Variants in NOS1 observed in about 807,000 individuals in gnomAD.
NOS1 encodes NOS type I.
Under a neutral mutation model 164.5 loss-of-function variants are expected in NOS1, and 51 were observed. The ratio of observed to expected loss-of-function variants is 0.31; its 90% CI spans 0.25 to 0.39. The LOEUF is 0.39. Ranked by LOEUF, NOS1 falls within the 10% of genes least tolerant of loss-of-function variation. The probability of loss-of-function intolerance (pLI) is 1.00; values close to 1 mark genes in which losing one functional copy is unlikely to be tolerated. For synonymous variants in NOS1, 719 were observed against 745.8 expected (o/e 0.96, Z 0.59); for missense variants, 1,362 against 1,885.6 (o/e 0.72, Z 5.14).
At chr12:117,332,067 A>G (rs1003380409) in intron 1 of NOS1, among the ~76,000 whole-genome samples, 2 of 152,234 alleles carry the variant, frequency 1.3e-5, no homozygotes, top group Admixed American at 1.3e-4. Context: ...GCTTAGTCAC[A>G]CTACAAACAT....
intron 2 of NOS1, among the ~76,000 whole-genome samples, chr12:117,323,633 T>C (rs1403729897): frequency 6.6e-6 from 1 of 152,150 alleles, no homozygotes; most frequent in Admixed American, 6.5e-5. Flanking sequence ...TCCATAGAGA[T>C]TGACCAGACT....
At chr12:117,305,052 C>G (rs1874062504) in intron 3 of NOS1, 2 of 985,310 alleles carry the variant, frequency 2.0e-6, no homozygotes, top group Non-Finnish European at 2.4e-6. Flanking sequence ...CCCCACCTAT[C>G]CCTTCCTGAC....
chr12:117,360,694 A>G (rs940121809), intron 1 of NOS1, among the ~76,000 whole-genome samples: 1 of 152,200 alleles, frequency 6.6e-6, no homozygotes, highest in Admixed American at 6.5e-5. Context: ...GACAGCTGGC[A>G]GTGCCAAAGA....
chr12:117,334,865 T>C (rs1351189126), intron 1 of NOS1, among the ~76,000 whole-genome samples: 2 of 152,192 alleles, frequency 1.3e-5, no homozygotes, highest in African/African-American at 4.8e-5. Flanking sequence ...CACCCGCTTG[T>C]CCCGGTTTTT....
chr12:117,258,977 C>T (rs1871675390), intron 15 of NOS1, 49 bp downstream of exon 15: 1 of 1,405,768 alleles, frequency 7.1e-7, no homozygotes, highest in Admixed American at 1.7e-5. Context: ...GCCCCTACTT[C>T]TTCCTGATGA....
In NOS1 at chr12:117,279,116, C is replaced by T. The variant is rs192319980; in HGVS notation, c.1525-1018G>A. Among the ~76,000 whole-genome samples the T allele has an allele frequency of 3.1e-3, 465 of 152,122 alleles. 1 individual carries two copies. The highest frequency in any genetic ancestry group is 5.4e-3 in the Non-Finnish European group (369 of 67,990). The stretch of plus-strand genomic sequence containing the variant: ...TCAATGGGCCGGGCGCGGTGGCTCA[C>T]GCCTGTAATCCCAGCACTTTGGGAG... On this transcript the variant is annotated intron_variant, in intron 8 of 28. Coordinates refer to ENST00000317775, the MANE Select transcript of NOS1 (RefSeq NM_000620.5).
chr12:117,305,017 C>G (rs1188664811), intron 3 of NOS1: 1 of 985,268 alleles, frequency 1.0e-6, no homozygotes, highest in Non-Finnish European at 1.2e-6. Flanking sequence ...AGTTGCTTTG[C>G]TGCCCTGCCC....
At chr12:117,215,756 C>T (rs1240736136) in intron 28 of NOS1, among the ~76,000 whole-genome samples, 1 of 151,824 alleles carries the variant, frequency 6.6e-6, no homozygotes, top group Non-Finnish European at 1.5e-5. Context: ...TATTCTGTAG[C>T]CTTAGTGTCT....
intron 3 of NOS1, among the ~76,000 whole-genome samples, chr12:117,295,501 T>C (rs1392925458): frequency 1.3e-5 from 2 of 152,124 alleles, no homozygotes; most frequent in African/African-American, 4.8e-5. Flanking sequence ...ATTTATCTTG[T>C]CCTTTAGATA....
chr12:117,354,876 G>A (rs1038025804), intron 1 of NOS1, among the ~76,000 whole-genome samples: 11 of 152,272 alleles, frequency 7.2e-5, no homozygotes, highest in Middle Eastern at 3.4e-3. Context: ...CTTCACTCTC[G>A]TTTATGACAA....
intron 27 of NOS1, 85 bp from the exon 28 acceptor site, chr12:117,218,249 TG>T (rs1397885893): frequency 1.1e-6 from 1 of 941,248 alleles, no homozygotes; most frequent in African/African-American, 1.6e-5. Context: ...ACACCTGGAA[TG>T]GAATATCCCT....
rs750898369 is a variant in NOS1 at position 117,253,628 on chromosome 12, C to T, written c.2648+10G>A. ...TCCCTGACCCCCGACCCCCTTATCCCCTTGCTCACCTCACATTGGCCAGGG... is the reference window on the plus strand; with the variant it reads ...TCCCTGACCCCCGACCCCCTTATCCTCTTGCTCACCTCACATTGGCCAGGG... On this transcript the variant is annotated intron_variant, in intron 17 of 28. Transcript: ENST00000317775. 3 of 1,599,176 alleles carry T rather than the reference C, an allele frequency of 1.9e-6. No individual in the cohort carries two copies. The Admixed American group carries it at 5.0e-5, about 27-fold the overall frequency.
At position 117,208,762 on chromosome 12, in the gene NOS1, C is replaced by G. The variant is rs933619452; in HGVS notation, c.*6547G>C. On this transcript the variant is annotated 3_prime_UTR_variant, in exon 29 of 29. Transcript: ENST00000317775. ...TTTTTTCCACAGGGTCTCATTCTGT[C>G]AACAAGCTGGAGTGCAGTGGTGCCA... 2 of 989,138 alleles carry G rather than the reference C, an allele frequency of 2.0e-6. No individual in the cohort carries two copies. The highest frequency in any genetic ancestry group is 2.4e-6 in the Non-Finnish European group (2 of 835,384). The allele number at this position is 989,138 out of a possible 1,614,324, so 61.3% of individuals were successfully genotyped here. A position where few individuals can be genotyped will look rare whatever the true frequency, so the allele number is the denominator to read the frequency against.
chr12:117,334,723 C>G (rs1031829142), intron 1 of NOS1, among the ~76,000 whole-genome samples: 1 of 152,190 alleles, frequency 6.6e-6, no homozygotes, highest in Non-Finnish European at 1.5e-5. Flanking sequence ...AACAATTCCA[C>G]AACACTTTCT....
rs1389110533 is a variant in NOS1 at position 117,214,727 on chromosome 12, T to A, written c.*582A>T. 1.9e-5 allele frequency: 19 copies of A among 985,310 alleles called. No individual in the cohort carries two copies. Among genetic ancestry groups the A allele is most frequent in the Non-Finnish European group, 2.3e-5 (19 of 829,932 alleles). The allele number at this position is 985,310 out of a possible 1,614,324, so 61.0% of individuals were successfully genotyped here. ...ATTATGGACACACGAGGGATTAATA[T>A]GGGCCAGGGACACGTTTCTTGGCAT... is the stretch of plus-strand genomic sequence containing the variant. On this transcript the variant is annotated 3_prime_UTR_variant, in exon 29 of 29. Coordinates refer to ENST00000317775, the MANE Select transcript of NOS1 (RefSeq NM_000620.5).
chr12:117,221,539 C>G (rs202220825), intron 26 of NOS1, among the ~76,000 whole-genome samples: 1 of 152,100 alleles, frequency 6.6e-6, no homozygotes, highest in Admixed American at 6.6e-5. Flanking sequence ...CCACCTTGGC[C>G]TCCCAAAGTG....
intron 3 of NOS1, among the ~76,000 whole-genome samples, chr12:117,300,462 A>C (rs1555257667): frequency 6.6e-6 from 1 of 152,144 alleles, no homozygotes; most frequent in Non-Finnish European, 1.5e-5. Context: ...CCTGGCTCTG[A>C]CCACCCAGGA....
chr12:117,343,071 GTAA>G (rs1876187984), intron 1 of NOS1, among the ~76,000 whole-genome samples: 1 of 151,998 alleles, frequency 6.6e-6, no homozygotes, highest in African/African-American at 2.4e-5. Flanking sequence ...CTGGATGCCT[GTAA>G]TCCCAGCACT....
At chr12:117,249,636 G>C (rs890632508) in intron 17 of NOS1, among the ~76,000 whole-genome samples, 1 of 152,126 alleles carries the variant, frequency 6.6e-6, no homozygotes, top group Non-Finnish European at 1.5e-5. Context: ...TCCATTCCTT[G>C]TAAGGTCTAT....
Sources: allele counts gnomAD v4.1 joint callset (sites outside exome capture counted in the v4.1 genomes callset), GRCh38; gene constraint gnomAD v4.1.1; transcripts MANE v1.5; gene names NCBI Gene and HGNC (gene_info 2026-07-23, HGNC 2026-07-21).